RGN: variants seen among roughly 807,000 people sequenced by gnomAD.
RGN encodes regucalcin, also known as epididymis secretory protein Li 41.
Under a neutral mutation model 20.6 loss-of-function variants are expected in RGN, and 19 were observed. The observed-to-expected ratio is 0.92, with a 90% CI of 0.64 to 1.35. The LOEUF is 1.35. Ranked by LOEUF, RGN falls within the 40% of genes most tolerant of loss-of-function variation. The pLI is 0.00. For missense variants in RGN, 302 were observed against 232.7 expected (o/e 1.30, Z -1.94); for synonymous variants, 85 against 87.2 (o/e 0.97, Z 0.14).
chrX:47,081,248 C>T lies in RGN; in HGVS notation c.104C>T (p.Pro35Leu). 2 of 1,210,381 alleles carry T rather than the reference C, an allele frequency of 1.7e-6. No individual in the cohort carries two copies. Among genetic ancestry groups the T allele is most frequent in the Non-Finnish European group, 2.2e-6 (2 of 894,495 alleles). Residue 35 changes from proline (P) to leucine (L), a missense_variant, in exon 3 of 8, where the codon CCT becomes CTT. Physicochemically the swap from Pro to Leu is moderately conservative, Grantham distance 98 (BLOSUM62 -3). Coordinates refer to ENST00000397180, the MANE Select transcript of RGN (RefSeq NM_152869.4). Reference protein sequence around the residue: ...VSNSLLFVDIPAKKVCRWDSF... With the variant: ...VSNSLLFVDILAKKVCRWDSF... ...AACTCTCTGCTCTTTGTAGACATTC[C>T]TGCAAAAAAGGTTTGCCGGTGGGAT...
At position 47,090,952 on chromosome X, in the gene RGN, G is replaced by GAAGGAAGGAAAGAA. The variant is rs1569540754; in HGVS notation, c.563-724_563-723insGGAAGGAAAGAAAA. On this transcript the variant is annotated intron_variant, in intron 5 of 7. Coordinates refer to ENST00000397180, the MANE Select transcript of RGN (RefSeq NM_152869.4). Reference sequence around the variant, plus strand: ...AGAAAGAAAGAAAGAAAGAAAGAAAGAAAGAAAGAAAGAAAGAAAGAAAGA... The same window carrying GAAGGAAGGAAAGAA: ...AGAAAGAAAGAAAGAAAGAAAGAAAGAAGGAAGGAAAGAAAAAGAAAGAAAGAAAGAAAGAAAGA... 1.3e-3 allele frequency among the ~76,000 whole-genome samples: 65 copies of GAAGGAAGGAAAGAA among 51,879 alleles called. 1 individual carries two copies. In the East Asian group the frequency reaches 0.016, roughly 13 times the overall value. 45.1% of individuals were successfully genotyped at this position (51,879 alleles called of 115,157 possible).
intron 5 of RGN, among the ~76,000 whole-genome samples, chrX:47,091,447 CTTTT>C (rs1931009376): frequency 9.0e-6 from 1 of 111,699 alleles, no homozygotes; most frequent in Non-Finnish European, 1.9e-5. Context: ...ATTCTGCTTT[CTTTT>C]TTCTCTCTCC....
In RGN at chrX:47,084,403, G is replaced by T; in HGVS notation, c.164-15G>T. 1.7e-6 allele frequency: 2 copies of T among 1,181,961 alleles called. No homozygotes were observed. Among genetic ancestry groups the T allele is most frequent in the Non-Finnish European group, 2.3e-6 (2 of 879,758 alleles). ...AAACTGGTACTGTTTTTTAACTGTT[G>T]CTTTACCTCTACAGATGCCCCAGTC... On this transcript the variant is annotated splice_polypyrimidine_tract_variant and intron_variant, in intron 3 of 7. Transcript: ENST00000397180.
chrX:47,082,698 A>AG (rs1930394773), intron 3 of RGN, among the ~76,000 whole-genome samples: 2 of 111,395 alleles, frequency 1.8e-5, no homozygotes, highest in South Asian at 7.5e-4. Context: ...GTGACCTCTG[A>AG]GGGTAGAATG....
chrX:47,087,801 A>G (rs1291964166), intron 4 of RGN, among the ~76,000 whole-genome samples: 1 of 103,908 alleles, frequency 9.6e-6, no homozygotes, highest in East Asian at 2.9e-4. Flanking sequence ...ATAATATTAT[A>G]CTTATAATAA....
Position 47,086,038 on chromosome X carries a change from G to C in RGN, c.346+1438G>C, listed in dbSNP as rs190691224. Among the ~76,000 whole-genome samples the C allele has an allele frequency of 9.3e-3, 1,037 of 111,994 alleles. 6 individuals are homozygous for C. The highest frequency in any genetic ancestry group is 0.046 in the Middle Eastern group (10 of 216). On this transcript the variant is annotated intron_variant, in intron 4 of 7. Transcript: ENST00000397180. ...GCACAGGATGCAGTCTAGGCTCATG[G>C]ATTGCATTTCCTTTTCATATCTCTT...
rs868945117 is a variant in RGN, at chrX:47,090,927, A to G, written c.563-751A>G. The stretch of plus-strand genomic sequence containing the variant: ...AAAGAAAGAAGAAGGAAAGAAAGAA[A>G]GAAAGAAAGAAAGAAAGAAAGAAAG... On this transcript the variant is annotated intron_variant, in intron 5 of 7. Transcript: ENST00000397180. 5.5e-3 allele frequency among the ~76,000 whole-genome samples: 172 copies of G among 31,154 alleles called. 1 individual carries two copies. The highest frequency in any genetic ancestry group is 0.016 in the African/African-American group (164 of 10,542). 27.1% of individuals were successfully genotyped at this position (31,154 alleles called of 115,157 possible). A position where few individuals can be genotyped will look rare whatever the true frequency, so the allele number is the denominator to read the frequency against.
intron 3 of RGN, among the ~76,000 whole-genome samples, chrX:47,082,191 T>C (rs1556381756): frequency 9.0e-6 from 1 of 111,021 alleles, no homozygotes; most frequent in Non-Finnish European, 1.9e-5. Flanking sequence ...AGGCTTAATG[T>C]AATTACTGAT....
intron 3 of RGN, among the ~76,000 whole-genome samples, chrX:47,083,921 C>CAAAAA (rs199616987): frequency 3.3e-5 from 2 of 60,633 alleles, no homozygotes; most frequent in Non-Finnish European, 3.2e-5. Flanking sequence ...TCAAACAAAA[C>CAAAAA]AAACAAAAAA....
chrX:47,092,005 T>C, intron 6 of RGN, 56 bp from the exon 7 acceptor site: 1 of 1,092,910 alleles, frequency 9.1e-7, no homozygotes, highest in Non-Finnish European at 1.3e-6. Context: ...CTAGAAACAA[T>C]ACACAGGTTG....
chrX:47,091,641 T>C (rs1334391727), intron 5 of RGN, 37 bp from the exon 6 acceptor site: 1 of 1,187,017 alleles, frequency 8.4e-7, no homozygotes, highest in African/African-American at 1.8e-5. Context: ...TGTTGTTTTG[T>C]TGTGGTTCTG....
At chrX:47,091,865 G>A (rs1385154573) in intron 6 of RGN, 56 bp downstream of exon 6, 16 of 1,149,347 alleles carry the variant, frequency 1.4e-5, no homozygotes, top group African/African-American at 1.1e-4. Context: ...GATATAGCCC[G>A]AAAGTTACAG....
intron 4 of RGN, among the ~76,000 whole-genome samples, chrX:47,087,810 AATAT>A (rs1380189718): frequency 9.6e-6 from 1 of 103,865 alleles, no homozygotes; most frequent in Non-Finnish European, 1.9e-5. Flanking sequence ...TACTTATAAT[AATAT>A]ATAGTTTTAC....
In RGN at chrX:47,090,007, T is replaced by G. The variant is rs1556386881; in HGVS notation, c.562+16T>G. 8.9e-7 allele frequency: 1 copy of G among 1,119,111 alleles called. No homozygotes were observed. The highest frequency in any genetic ancestry group is 1.2e-6 in the Non-Finnish European group (1 of 822,128). The allele number at this position is 1,119,111 out of a possible 1,213,427, so 92.2% of individuals were successfully genotyped here. A position where few individuals can be genotyped will look rare whatever the true frequency, so the allele number is the denominator to read the frequency against. On this transcript the variant is annotated intron_variant, in intron 5 of 7. Transcript: ENST00000397180. Reference sequence around the variant, plus strand: ...GGACAGATCTGTATGTATTTTTCATTATTTGTCTCAGTGCTGCCACTATTG... The same window carrying G: ...GGACAGATCTGTATGTATTTTTCATGATTTGTCTCAGTGCTGCCACTATTG...
chrX:47,082,304 T>A (rs1370515096), intron 3 of RGN, among the ~76,000 whole-genome samples: 3 of 26,226 alleles, frequency 1.1e-4, no homozygotes, highest in African/African-American at 3.6e-4. Context: ...GGACCTCAAC[T>A]TTTTTTTTTT....
chrX:47,081,763 T>C (rs1375666901), intron 3 of RGN, among the ~76,000 whole-genome samples: 1 of 111,253 alleles, frequency 9.0e-6, no homozygotes, highest in East Asian at 2.8e-4. Flanking sequence ...CCCAGGCTAG[T>C]CTCAAACTCC....
chrX:47,080,214 C>T (rs1214921722), intron 1 of RGN, 103 bp from the exon 2 acceptor site: 1 of 112,225 alleles, frequency 8.9e-6, no homozygotes, highest in African/African-American at 3.2e-5. Flanking sequence ...TCCTGGAAAC[C>T]GCCTACTCAG....
chrX:47,090,059 C>T (rs782081493), intron 5 of RGN, 68 bp downstream of exon 5: 24 of 780,917 alleles, frequency 3.1e-5, no homozygotes, highest in Middle Eastern at 3.3e-4. Flanking sequence ...ACTAGTAAGG[C>T]GCCTCTCCCT....
rs1556388536 is a variant in RGN, at chrX:47,092,990, T to C, written c.*43T>C. On this transcript the variant is annotated 3_prime_UTR_variant, in exon 8 of 8. Transcript: ENST00000397180. ...TGCCAGAGGGAGCTCTGAAGACAAC[T>C]AGAGAATTCTGGGCCTGAAATTTCA... 1.6e-5 allele frequency: 16 copies of C among 1,029,111 alleles called. No individual in the cohort carries two copies. The highest frequency in any genetic ancestry group is 2.0e-5 in the Non-Finnish European group (15 of 745,914). 84.8% of individuals were successfully genotyped at this position (1,029,111 alleles called of 1,213,427 possible).
Sources: allele counts gnomAD v4.1 joint callset (sites outside exome capture counted in the v4.1 genomes callset), GRCh38; gene constraint gnomAD v4.1.1; transcripts MANE v1.5; gene names NCBI Gene and HGNC (gene_info 2026-07-23, HGNC 2026-07-21).